SH3RF1: variants seen among roughly 807,000 people sequenced by gnomAD.
SH3RF1 encodes E3 ubiquitin-protein ligase SH3RF1.
Under a neutral mutation model 74.0 loss-of-function variants are expected in SH3RF1, and 32 were observed. The ratio of observed to expected loss-of-function variants is 0.43; its 90% CI spans 0.33 to 0.58. The LOEUF is 0.58. SH3RF1 is among the 20% of genes least tolerant of loss of function. SH3RF1 has a pLI of 0.05. For synonymous variants in SH3RF1, 396 were observed against 439.6 expected (o/e 0.90, Z 1.24); for missense variants, 954 against 1,130.9 (o/e 0.84, Z 2.24).
intron 6 of SH3RF1, among the ~76,000 whole-genome samples, chr4:169,122,611 C>T (rs1323365141): frequency 6.6e-6 from 1 of 152,136 alleles, no homozygotes; most frequent in Non-Finnish European, 1.5e-5. Context: ...AAATGCCTTT[C>T]GAGGCGGGTA....
intron 2 of SH3RF1, among the ~76,000 whole-genome samples, chr4:169,239,097 T>C (rs10030955): frequency 0.96 from 145,550 of 152,202 alleles, 69,917 homozygotes; most frequent in East Asian, 1. Context: ...ATACTAGACA[T>C]ATCTGGCTCA....
intron 11 of SH3RF1, among the ~76,000 whole-genome samples, chr4:169,099,596 G>A (rs1732983747): frequency 6.6e-6 from 1 of 152,136 alleles, no homozygotes; most frequent in African/African-American, 2.4e-5. Flanking sequence ...AACATATTCA[G>A]AGTAGACTTC....
chr4:169,179,609 G>C (rs1266853774), intron 2 of SH3RF1, among the ~76,000 whole-genome samples: 1 of 152,124 alleles, frequency 6.6e-6, no homozygotes, highest in Non-Finnish European at 1.5e-5. Flanking sequence ...ACTCTCTTCA[G>C]GTTATATACG....
chr4:169,101,687 AAAAG>A (rs1161233062), intron 11 of SH3RF1, among the ~76,000 whole-genome samples: 3 of 152,044 alleles, frequency 2.0e-5, no homozygotes, highest in South Asian at 2.1e-4. Context: ...AAAAAAAAAA[AAAAG>A]AAAGGAAAAA....
At chr4:169,263,113 A>ACAACCC (rs1554011731) in intron 2 of SH3RF1, among the ~76,000 whole-genome samples, 6 of 152,172 alleles carry the variant, frequency 3.9e-5, no homozygotes, top group African/African-American at 1.2e-4. Context: ...GAGTTAATAC[A>ACAACCC]CATCCCCATC....
chr4:169,214,404 A>T (rs1469109232), intron 2 of SH3RF1, among the ~76,000 whole-genome samples: 5 of 152,154 alleles, frequency 3.3e-5, no homozygotes, highest in Admixed American at 1.3e-4. Context: ...TTTCTTTATA[A>T]ATTACCCAGC....
At chr4:169,109,593 A>G (rs552397981) in intron 10 of SH3RF1, among the ~76,000 whole-genome samples, 1 of 152,298 alleles carries the variant, frequency 6.6e-6, no homozygotes, top group Admixed American at 6.5e-5. Context: ...GATTTTTTCT[A>G]TGTTAGCAGA....
chr4:169,181,730 T>A (rs1293245127), intron 2 of SH3RF1, among the ~76,000 whole-genome samples: 8 of 152,210 alleles, frequency 5.3e-5, no homozygotes, highest in Non-Finnish European at 1.0e-4. Flanking sequence ...TTCCTTATCT[T>A]GCCCAATTGT....
chr4:169,203,396 C>T (rs1734942273), intron 2 of SH3RF1, among the ~76,000 whole-genome samples: 1 of 151,850 alleles, frequency 6.6e-6, no homozygotes, highest in Admixed American at 6.6e-5. Context: ...ACCAAAAATA[C>T]AAAAATTAGC....
At chr4:169,268,785 C>T (rs1267078740) in intron 2 of SH3RF1, 35 bp downstream of exon 2, 1 of 1,524,374 alleles carries the variant, frequency 6.6e-7, no homozygotes, top group Non-Finnish European at 8.8e-7. Context: ...ACATTACCAC[C>T]TTTATTCACC....
At chr4:169,162,449 C>T (rs767544929) in intron 2 of SH3RF1, among the ~76,000 whole-genome samples, 3 of 152,156 alleles carry the variant, frequency 2.0e-5, no homozygotes, top group Admixed American at 6.5e-5. Flanking sequence ...TCCCATAATT[C>T]CACAATAGTC....
chr4:169,173,171 A>T (rs1734360763), intron 2 of SH3RF1, among the ~76,000 whole-genome samples: 1 of 152,194 alleles, frequency 6.6e-6, no homozygotes, highest in Non-Finnish European at 1.5e-5. Context: ...TTTCTTCGCC[A>T]ACCACATAGT....
chr4:169,160,315 C>G (rs1374036210), intron 2 of SH3RF1, among the ~76,000 whole-genome samples: 1 of 152,162 alleles, frequency 6.6e-6, no homozygotes, highest in Non-Finnish European at 1.5e-5. Context: ...CTTTACAGAT[C>G]ACTTCCACAC....
At chr4:169,185,023 T>C (rs1386019031) in intron 2 of SH3RF1, among the ~76,000 whole-genome samples, 1 of 152,130 alleles carries the variant, frequency 6.6e-6, no homozygotes, top group African/African-American at 2.4e-5. Flanking sequence ...TGATCAGGGG[T>C]TATCTGCTTC....
intron 2 of SH3RF1, among the ~76,000 whole-genome samples, chr4:169,243,174 C>T (rs567310334): frequency 1.3e-5 from 2 of 152,264 alleles, no homozygotes; most frequent in East Asian, 1.9e-4. Context: ...ATTACAACTA[C>T]ACAATAAAAA....
intron 6 of SH3RF1, among the ~76,000 whole-genome samples, chr4:169,125,477 G>C (rs1037240084): frequency 2.6e-5 from 4 of 152,188 alleles, no homozygotes; most frequent in African/African-American, 7.2e-5. Context: ...AAAGAGAGGG[G>C]AAGTAGTCCA....
At chr4:169,197,969 T>C (rs905609428) in intron 2 of SH3RF1, among the ~76,000 whole-genome samples, 1 of 152,192 alleles carries the variant, frequency 6.6e-6, no homozygotes, top group Non-Finnish European at 1.5e-5. Context: ...TTGCTCAGAC[T>C]GCCAAATACA....
At chr4:169,193,242 C>T (rs1246639508) in intron 2 of SH3RF1, among the ~76,000 whole-genome samples, 1 of 152,060 alleles carries the variant, frequency 6.6e-6, no homozygotes, top group East Asian at 1.9e-4. Flanking sequence ...AAAGAACTCA[C>T]TTATGTAACC....
At chr4:169,183,438 G>A (rs1317602009) in intron 2 of SH3RF1, among the ~76,000 whole-genome samples, 1 of 152,116 alleles carries the variant, frequency 6.6e-6, no homozygotes, top group Non-Finnish European at 1.5e-5. Context: ...TTGCCACCAT[G>A]CCCAGCTAAT....
Sources: allele counts gnomAD v4.1 joint callset (sites outside exome capture counted in the v4.1 genomes callset), GRCh38; gene constraint gnomAD v4.1.1; transcripts MANE v1.5; gene names NCBI Gene and HGNC (gene_info 2026-07-23, HGNC 2026-07-21).